The following TRMT1L variants were observed in gnomAD, a reference collection of about 807,000 sequenced individuals.
TRMT1L encodes tRNA methyltransferase 1L.
A neutral mutation model predicts 81.6 loss-of-function variants in TRMT1L; 28 were observed. The ratio of observed to expected loss-of-function variants is 0.34; its 90% CI spans 0.25 to 0.47. The LOEUF is 0.47. Ranked by LOEUF, TRMT1L falls within the 20% of genes least tolerant of loss-of-function variation. The probability of loss-of-function intolerance (pLI) is 1.00; values close to 1 mark genes in which losing one functional copy is unlikely to be tolerated. For missense variants in TRMT1L, 739 were observed against 877.1 expected (o/e 0.84, Z 1.99); for synonymous variants, 301 against 303.2 (o/e 0.99, Z 0.07).
upstream of TRMT1L, chr1:185,157,008 G>A (rs1023297750): frequency 2.4e-6 from 1 of 419,458 alleles, no homozygotes; most frequent in Non-Finnish European, 4.3e-6. Flanking sequence ...AATTGGGTAA[G>A]AGGGTTCGGT....
At chr1:185,151,214 A>AT (rs557824702) in intron 2 of TRMT1L, among the ~76,000 whole-genome samples, 3 of 152,222 alleles carry the variant, frequency 2.0e-5, no homozygotes, top group Non-Finnish European at 4.4e-5. Context: ...AGCAAGAATC[A>AT]TTAATAACTC....
At chr1:185,128,105 A>C (rs1481346545) in intron 11 of TRMT1L, among the ~76,000 whole-genome samples, 1 of 152,022 alleles carries the variant, frequency 6.6e-6, no homozygotes, top group African/African-American at 2.4e-5. Context: ...CAAGAGCGGG[A>C]CTCTGTCTCA....
chr1:185,128,651 T>C lies in TRMT1L; in HGVS notation c.1592+18A>G. 3 of 1,609,246 alleles carry C rather than the reference T, an allele frequency of 1.9e-6. No homozygotes were observed. Among genetic ancestry groups the C allele is most frequent in the Middle Eastern group, 1.7e-4 (1 of 6,042 alleles). On this transcript the variant is annotated intron_variant, in intron 11 of 14. Coordinates refer to ENST00000367506, the MANE Select transcript of TRMT1L (RefSeq NM_030934.5). ...CAATACATCAAATTTTAATATGTTC[T>C]TATGGCTGGTCACATACCACAGAGG...
At chr1:185,137,582 A>T in intron 10 of TRMT1L, 24 bp downstream of exon 10, 1 of 1,601,624 alleles carries the variant, frequency 6.2e-7, no homozygotes, top group Non-Finnish European at 8.5e-7. Context: ...TTATAGATAA[A>T]CATAATATAT....
intron 9 of TRMT1L, among the ~76,000 whole-genome samples, chr1:185,138,826 G>A (rs143233037): frequency 7.1e-4 from 108 of 152,254 alleles, no homozygotes; most frequent in Non-Finnish European, 1.4e-3. Flanking sequence ...TCACTATGTT[G>A]CCCAGGCTGG....
At chr1:185,123,058 T>C (rs1277214990) in intron 13 of TRMT1L, among the ~76,000 whole-genome samples, 1 of 152,192 alleles carries the variant, frequency 6.6e-6, no homozygotes, top group African/African-American at 2.4e-5. Context: ...GTAGAATGTA[T>C]CAATTTAAGT....
chr1:185,139,022 C>G (rs1380972516), intron 9 of TRMT1L, among the ~76,000 whole-genome samples: 2 of 152,180 alleles, frequency 1.3e-5, no homozygotes, highest in South Asian at 2.1e-4. Flanking sequence ...TCCTGGGCAA[C>G]ATGGTGAAAA....
At chr1:185,153,382 G>C (rs1402549608) in intron 1 of TRMT1L, among the ~76,000 whole-genome samples, 1 of 152,126 alleles carries the variant, frequency 6.6e-6, no homozygotes, top group African/African-American at 2.4e-5. Context: ...TAAGTAGAAG[G>C]AATCAGGAAT....
rs1437981524 is a variant in TRMT1L at position 185,140,159 on chromosome 1, A to G, written c.923T>C (p.Leu308Ser). The G allele has an allele frequency of 1.1e-5, 18 of 1,613,796 alleles. No individual in the cohort carries two copies. Among genetic ancestry groups the G allele is most frequent in the Non-Finnish European group, 1.4e-5 (17 of 1,179,836 alleles). Residue 308 changes from leucine to serine, a missense_variant, in exon 8 of 15, where the codon TTG becomes TCG. Leu to Ser is a moderately radical substitution (Grantham distance 145). Transcript: ENST00000367506. ...AATCAGTGTCACAGAATTTTCATTC[A>G]AGTCATTGATTGTAACTTTGACTGC... ...GNAVKVTIND[L>S]NENSVTLIQE...
At chr1:185,140,284 G>T in intron 7 of TRMT1L, 62 bp from the exon 8 acceptor site, 1 of 1,288,012 alleles carries the variant, frequency 7.8e-7, no homozygotes, top group Non-Finnish European at 1.1e-6. Context: ...AATAAAAATG[G>T]TATAACAACA....
In TRMT1L at chr1:185,156,718, C is replaced by T. The variant is rs375125363; in HGVS notation, c.-6G>A. 6.2e-6 allele frequency: 10 copies of T among 1,612,542 alleles called. No individual in the cohort carries two copies. Among genetic ancestry groups the T allele is most frequent in the Non-Finnish European group, 8.5e-6 (10 of 1,179,780 alleles). The stretch of plus-strand genomic sequence containing the variant: ...TCCTCCGCCATATTCTCCATAGTTA[C>T]CGCCTCCGTGCCAAGCCCGCCCGGG... On this transcript the variant is annotated 5_prime_UTR_variant, in exon 1 of 15. Transcript: ENST00000367506.
In TRMT1L at chr1:185,137,799, A is replaced by G; in HGVS notation, c.1323-3T>C. 6.2e-7 allele frequency: 1 copy of G among 1,609,466 alleles called. No homozygotes were observed. The stretch of plus-strand genomic sequence containing the variant: ...CTTTGTTGCATCGGGCTGCAGCTCT[A>G]CAATAAATTTTTTCAAGTTATTTTG... On this transcript the variant is annotated splice_polypyrimidine_tract_variant and splice_region_variant and intron_variant, in intron 9 of 14. Transcript: ENST00000367506.
rs535573871 is a variant in TRMT1L at position 185,131,900 on chromosome 1, G to C, written c.1514-3153C>G. On this transcript the variant is annotated intron_variant, in intron 10 of 14. Transcript: ENST00000367506. ...TCTTGCCTGTAATCCCAGCACTTTGGGGAGACGAGGTAGGCAGATCACTTG... is the reference window on the plus strand; with the variant it reads ...TCTTGCCTGTAATCCCAGCACTTTGCGGAGACGAGGTAGGCAGATCACTTG... Among the ~76,000 whole-genome samples the C allele has an allele frequency of 2.0e-5, 3 of 152,230 alleles. No homozygotes were observed. In the East Asian group the frequency reaches 5.8e-4, roughly 29 times the overall value.
At chr1:185,141,635 C>T (rs1026172804) in intron 7 of TRMT1L, among the ~76,000 whole-genome samples, 1 of 152,098 alleles carries the variant, frequency 6.6e-6, no homozygotes, top group Non-Finnish European at 1.5e-5. Context: ...ACCCAGGAGG[C>T]GGAGGTTGCA....
rs1652457602 is a variant in TRMT1L, at chr1:185,120,002, C to T, written c.*17G>A. 1 of 1,611,680 alleles carries T rather than the reference C, an allele frequency of 6.2e-7. No individual in the cohort carries two copies. The highest frequency in any genetic ancestry group is 8.5e-7 in the Non-Finnish European group (1 of 1,179,176). ...GGCCATCTATACAGACACCTGAGAA[C>T]CAATTCTTCTCTACGTTTACCATCT... is the stretch of plus-strand genomic sequence containing the variant. On this transcript the variant is annotated 3_prime_UTR_variant, in exon 15 of 15. Coordinates refer to ENST00000367506, the MANE Select transcript of TRMT1L (RefSeq NM_030934.5).
At position 185,137,619 on chromosome 1, in the gene TRMT1L, A is replaced by T; in HGVS notation, c.1500T>A (p.Gly500=). 2 of 1,613,870 alleles carry T rather than the reference A, an allele frequency of 1.2e-6. No individual in the cohort carries two copies. Among genetic ancestry groups the T allele is most frequent in the Non-Finnish European group, 1.7e-6 (2 of 1,179,950 alleles). ...WCEERIFQKD[G]NMVEENPYRQ... ...ACTTGAATTTACCTTCTACCATATT[A>T]CCATCCTTCTGAAAAATTCTCTCTT... Residue 500 remains glycine, a synonymous_variant, in exon 10 of 15, where the codon GGT becomes GGA. Transcript: ENST00000367506.
In TRMT1L at chr1:185,120,282, G is replaced by C. The variant is rs752185693; in HGVS notation, c.1950-11C>G. The C allele has an allele frequency of 1.3e-5, 20 of 1,511,680 alleles. No individual in the cohort carries two copies. Among genetic ancestry groups the C allele is most frequent in the Non-Finnish European group, 1.7e-5 (19 of 1,131,074 alleles). The allele number at this position is 1,511,680 out of a possible 1,614,324, so 93.6% of individuals were successfully genotyped here. A position where few individuals can be genotyped will look rare whatever the true frequency, so the allele number is the denominator to read the frequency against. The stretch of plus-strand genomic sequence containing the variant: ...AAAAACTTTTTTAACCTGCAAAAAG[G>C]AAAGGAAAGAAAAAATAATCAGGTT... On this transcript the variant is annotated splice_polypyrimidine_tract_variant and intron_variant, in intron 14 of 14. Coordinates refer to ENST00000367506, the MANE Select transcript of TRMT1L (RefSeq NM_030934.5).
Position 185,137,688 on chromosome 1 carries a change from T to C in TRMT1L, c.1431A>G (p.Glu477=), listed in dbSNP as rs1652934962. The C allele has an allele frequency of 6.2e-7, 1 of 1,614,040 alleles. No homozygotes were observed. Among genetic ancestry groups the C allele is most frequent in the South Asian group, 1.1e-5 (1 of 91,088 alleles). The part of the protein sequence containing the change: ...RVLRGPTSAD[E]TAKKIQYLIH... ...TCAGGTATTGAATCTTCTTGGCTGT[T>C]TCATCTGCTGAAGTAGGTCCCCTCA... The change falls in exon 10 of 15, where the codon GAA becomes GAG. Residue 477 remains glutamate (E), a synonymous_variant. Coordinates refer to ENST00000367506, the MANE Select transcript of TRMT1L (RefSeq NM_030934.5).
intron 13 of TRMT1L, among the ~76,000 whole-genome samples, chr1:185,122,152 T>C (rs141231665): frequency 7.3e-4 from 111 of 152,324 alleles, no homozygotes; most frequent in African/African-American, 2.6e-3. Context: ...TATTCCTTAG[T>C]ACATATGTTC....
Sources: allele counts gnomAD v4.1 joint callset (sites outside exome capture counted in the v4.1 genomes callset), GRCh38; gene constraint gnomAD v4.1.1; transcripts MANE v1.5; gene names NCBI Gene and HGNC (gene_info 2026-07-23, HGNC 2026-07-21).